The following RYR2 variants were observed in gnomAD, a reference collection of about 807,000 sequenced individuals.
RYR2 encodes the protein cardiac muscle ryanodine receptor-calcium release channel.
RYR2 carries 227 observed loss-of-function variants against 601.1 expected under a neutral mutation model. The observed-to-expected ratio is 0.38, with a 90% confidence interval of 0.34 to 0.42. The LOEUF (loss-of-function observed/expected upper bound fraction) is 0.42, where lower values mean the gene tolerates loss of function less well. Among genes scored for constraint, RYR2 ranks in the 10% least tolerant of loss-of-function variants. RYR2 has a pLI of 1.00. For synonymous variants in RYR2, 2,223 were observed against 2,175.1 expected (o/e 1.02, Z -0.61); for missense variants, 4,646 against 6,156.5 (o/e 0.75, Z 8.21).
chr1:237,446,911 A>G (rs1188525160), intron 14 of RYR2, among the ~76,000 whole-genome samples: 1 of 152,178 alleles, frequency 6.6e-6, no homozygotes, highest in Non-Finnish European at 1.5e-5. Flanking sequence ...AATGCATTAT[A>G]AAACTAGTCA....
At chr1:237,268,610 C>T (rs991150311) in intron 1 of RYR2, among the ~76,000 whole-genome samples, 64 of 152,104 alleles carry the variant, frequency 4.2e-4, no homozygotes, top group African/African-American at 1.5e-3. Context: ...CTATAAGCTA[C>T]GCTATTAAAT....
At chr1:237,565,093 C>T (rs1345240161) in intron 27 of RYR2, among the ~76,000 whole-genome samples, 1 of 150,824 alleles carries the variant, frequency 6.6e-6, no homozygotes, top group East Asian at 2.0e-4. Context: ...CTTCCTTCTT[C>T]TCTTTTCTTT....
chr1:237,073,545 T>C (rs1664639463), intron 1 of RYR2, among the ~76,000 whole-genome samples: 1 of 152,158 alleles, frequency 6.6e-6, no homozygotes, highest in Admixed American at 6.5e-5. Flanking sequence ...TTCAAAGACC[T>C]ATCATGGCAA....
intron 1 of RYR2, among the ~76,000 whole-genome samples, chr1:237,220,415 G>T (rs1482900895): frequency 1.3e-5 from 2 of 152,158 alleles, no homozygotes; most frequent in Non-Finnish European, 2.9e-5. Context: ...TGGCTGCCTT[G>T]CTTCTGAGGC....
chr1:237,677,961 G>A (rs868494293), intron 60 of RYR2, 87 bp from the exon 61 acceptor site: 25 of 824,050 alleles, frequency 3.0e-5, no homozygotes, highest in African/African-American at 1.7e-4. Flanking sequence ...AATACATTTA[G>A]CAATGCTTTC....
intron 2 of RYR2, among the ~76,000 whole-genome samples, chr1:237,318,037 G>T (rs1022978455): frequency 3.3e-5 from 5 of 151,906 alleles, no homozygotes; most frequent in Non-Finnish European, 7.4e-5. Flanking sequence ...CTCCATTCTT[G>T]CTTTCTTTTG....
At chr1:237,580,435 G>A (rs551387095) in intron 29 of RYR2, among the ~76,000 whole-genome samples, 2 of 150,852 alleles carry the variant, frequency 1.3e-5, no homozygotes, top group South Asian at 4.2e-4. Flanking sequence ...GGGATTACAG[G>A]CGTGAGCCAC....
chr1:237,511,900 T>G (rs1558946540), intron 24 of RYR2, 109 bp downstream of exon 24: 3 of 714,382 alleles, frequency 4.2e-6, no homozygotes, highest in Non-Finnish European at 6.7e-6. Context: ...GTGAAGTGAT[T>G]TTTAATTCCA....
rs553448077 is a variant in RYR2, at chr1:237,536,651, G to C, written c.2906+6141G>C. On this transcript the variant is annotated intron_variant, in intron 25 of 104. Transcript: ENST00000366574. ...AATGGCGTGAATCCGGGAGGCGGAGGTTGCAGTGAGCCGCGATAGTGCCAC... is the reference window on the plus strand; with the variant it reads ...AATGGCGTGAATCCGGGAGGCGGAGCTTGCAGTGAGCCGCGATAGTGCCAC... Among the ~76,000 whole-genome samples the C allele has an allele frequency of 1.8e-3, 241 of 135,344 alleles. 4 individuals carry two copies. Among genetic ancestry groups the C allele is most frequent in the African/African-American group, 6.5e-3 (231 of 35,548 alleles). 88.8% of individuals were successfully genotyped at this position (135,344 alleles called of 152,430 possible).
intron 98 of RYR2, among the ~76,000 whole-genome samples, chr1:237,802,634 A>C (rs2149422419): frequency 6.6e-6 from 1 of 152,332 alleles, no homozygotes; most frequent in African/African-American, 2.4e-5. Context: ...TAAACTATTA[A>C]TACACTATCT....
intron 21 of RYR2, among the ~76,000 whole-genome samples, chr1:237,502,243 C>G (rs1019500568): frequency 2.0e-5 from 3 of 152,116 alleles, no homozygotes; most frequent in African/African-American, 7.2e-5. Context: ...TATCATTTAA[C>G]TGTTTCAAAA....
intron 1 of RYR2, among the ~76,000 whole-genome samples, chr1:237,242,963 C>T (rs932867336): frequency 7.9e-5 from 12 of 152,142 alleles, no homozygotes; most frequent in Admixed American, 2.0e-4. Context: ...TGACTTTTTC[C>T]AGGGTTGCAA....
At chr1:237,765,528 T>G (rs997065350) in intron 84 of RYR2, among the ~76,000 whole-genome samples, 2 of 152,322 alleles carry the variant, frequency 1.3e-5, no homozygotes, top group African/African-American at 4.8e-5. Context: ...CTAATCAAAT[T>G]TATGTGAAGT....
chr1:237,751,315 T>C (rs1692516342), intron 80 of RYR2, among the ~76,000 whole-genome samples: 1 of 152,198 alleles, frequency 6.6e-6, no homozygotes, highest in South Asian at 2.1e-4. Context: ...AAATCAATAT[T>C]GCATTTAGAG....
At chr1:237,290,706 C>T (rs961768944) in intron 2 of RYR2, among the ~76,000 whole-genome samples, 2 of 152,072 alleles carry the variant, frequency 1.3e-5, no homozygotes, top group Non-Finnish European at 2.9e-5. Flanking sequence ...ATACAAACCT[C>T]AGATTGGGAG....
At chr1:237,579,350 G>A (rs1673637156) in intron 29 of RYR2, among the ~76,000 whole-genome samples, 1 of 149,050 alleles carries the variant, frequency 6.7e-6, no homozygotes, top group Non-Finnish European at 1.5e-5. Context: ...CCCGCCTCCT[G>A]AGTTCAAGCG....
intron 1 of RYR2, among the ~76,000 whole-genome samples, chr1:237,253,079 C>T (rs142453008): frequency 0.032 from 4,748 of 149,256 alleles, 116 homozygotes; most frequent in Non-Finnish European, 0.047. Context: ...GCAGCAGAAT[C>T]GCTTGTACCC....
chr1:237,145,244 A>G (rs1263373822), intron 1 of RYR2, among the ~76,000 whole-genome samples: 1 of 152,180 alleles, frequency 6.6e-6, no homozygotes, highest in Non-Finnish European at 1.5e-5. Context: ...GAAAAAAAGA[A>G]AAAGGTGCAC....
chr1:237,518,451 ACTCT>A (rs34739419), intron 24 of RYR2, among the ~76,000 whole-genome samples: 36,020 of 151,340 alleles, frequency 0.24, 4,676 homozygotes, highest in South Asian at 0.39. Context: ...TTGTCATTCT[ACTCT>A]CTATGTCCAT....
Sources: allele counts gnomAD v4.1 joint callset (sites outside exome capture counted in the v4.1 genomes callset), GRCh38; gene constraint gnomAD v4.1.1; transcripts MANE v1.5; gene names NCBI Gene and HGNC (gene_info 2026-07-23, HGNC 2026-07-21).